The following KIAA0930 variants were observed in gnomAD, a reference collection of about 807,000 sequenced individuals.
KIAA0930 encodes the protein uncharacterized protein KIAA0930.
In KIAA0930, 24 loss-of-function variants were observed where a neutral mutation model predicts 43.9. That is an observed-to-expected ratio of 0.55 (90% confidence interval 0.40 to 0.77). The LOEUF is 0.77. Ranked by LOEUF, KIAA0930 falls within the 30% of genes least tolerant of loss-of-function variation. The probability of loss-of-function intolerance (pLI) is 0.00; values close to 1 mark genes in which losing one functional copy is unlikely to be tolerated. For missense variants in KIAA0930, 461 were observed against 574.2 expected (o/e 0.80, Z 2.02); for synonymous variants, 259 against 216.4 (o/e 1.20, Z -1.73).
At chr22:45,209,450 G>T (rs536261979) in intron 2 of KIAA0930, among the ~76,000 whole-genome samples, 2 of 152,260 alleles carry the variant, frequency 1.3e-5, no homozygotes, top group South Asian at 2.1e-4. Flanking sequence ...ACCAGGCCCC[G>T]CAATCTCCAT....
chr22:45,229,397 A>G (rs2083837353), intron 1 of KIAA0930, among the ~76,000 whole-genome samples: 1 of 113,056 alleles, frequency 8.8e-6, no homozygotes, highest in African/African-American at 3.4e-5. Flanking sequence ...TCCTCCTGTC[A>G]CTCCCAGGGG....
At chr22:45,227,383 G>C (rs1047867215) in intron 1 of KIAA0930, among the ~76,000 whole-genome samples, 1 of 152,124 alleles carries the variant, frequency 6.6e-6, no homozygotes, top group Non-Finnish European at 1.5e-5. Context: ...TGAAAACCAG[G>C]GGGCTGGGCT....
At position 45,203,896 on chromosome 22, in the gene KIAA0930, G is replaced by A. The variant is rs1394686259; in HGVS notation, c.606C>T (p.Ile202=). The change falls in exon 6 of 10, where the codon ATC becomes ATT. Residue 202 remains isoleucine, a synonymous_variant. Coordinates refer to ENST00000336156, the MANE Select transcript of KIAA0930 (RefSeq NM_001009880.2). ...SDKTNTFQGV[I]FQGSIRYEAL... is the part of the protein sequence containing the mutation. Reference sequence around the variant, plus strand: ...CCTCGTAGCGGATGGAGCCCTGAAAGATGACCCCCTGGAACGTGTTGGTTT... The same window carrying A: ...CCTCGTAGCGGATGGAGCCCTGAAAAATGACCCCCTGGAACGTGTTGGTTT... The A allele has an allele frequency of 1.9e-5, 31 of 1,613,962 alleles. No homozygotes were observed. The highest frequency in any genetic ancestry group is 2.7e-5 in the African/African-American group (2 of 74,910).
At position 45,205,290 on chromosome 22, in the gene KIAA0930, G is replaced by A. The variant is rs1230356133; in HGVS notation, c.443C>T (p.Pro148Leu). 3.7e-6 allele frequency: 6 copies of A among 1,614,000 alleles called. No individual in the cohort carries two copies. The African/African-American group carries it at 6.7e-5, about 18-fold the overall frequency. Residue 148 changes from proline to leucine, a missense_variant, in exon 5 of 10, where the codon CCC (proline) becomes CTC (leucine). Coordinates refer to ENST00000336156, the MANE Select transcript of KIAA0930 (RefSeq NM_001009880.2). ...GGACTCCTCCCCCTTGCTGTCCATG[G>A]GGTGTTTACTGGGGGACGCGAACAC... Reference protein sequence around the residue: ...QQVFASPSKHPMDSKGEESKI... With the variant: ...QQVFASPSKHLMDSKGEESKI...
intron 2 of KIAA0930, chr22:45,211,549 G>C: frequency 2.3e-6 from 1 of 444,322 alleles, no homozygotes; most frequent in East Asian, 3.4e-5. Context: ...TAAGTGGAAG[G>C]CACCGTCATC....
At chr22:45,210,176 C>G (rs1569076525) in intron 2 of KIAA0930, among the ~76,000 whole-genome samples, 1 of 152,242 alleles carries the variant, frequency 6.6e-6, no homozygotes, top group Non-Finnish European at 1.5e-5. Flanking sequence ...TTGCAACAGA[C>G]TCTGCCTTGG....
chr22:45,205,975 A>C, intron 2 of KIAA0930, 63 bp from the exon 3 acceptor site: 1 of 1,594,082 alleles, frequency 6.3e-7, no homozygotes, highest in Non-Finnish European at 8.5e-7. Flanking sequence ...TTCTTCCCTG[A>C]CTACTATGCA....
At chr22:45,205,771 C>CCA in intron 3 of KIAA0930, 22 bp downstream of exon 3, 1 of 710,688 alleles carries the variant, frequency 1.4e-6, no homozygotes, top group Non-Finnish European at 2.4e-6. Context: ...CAATCCGCAG[C>CCA]CCCACCCATC....
At chr22:45,211,258 G>C (rs2083690735) in intron 2 of KIAA0930, 1 of 395,800 alleles carries the variant, frequency 2.5e-6, no homozygotes, top group Non-Finnish European at 4.4e-6. Context: ...GAAAACAAAA[G>C]CGTTTCCATG....
At chr22:45,207,987 G>C (rs2083653923) in intron 2 of KIAA0930, among the ~76,000 whole-genome samples, 3 of 152,212 alleles carry the variant, frequency 2.0e-5, no homozygotes, top group Admixed American at 2.0e-4. Flanking sequence ...TGTGGACTCA[G>C]TGAATGAAAG....
intron 1 of KIAA0930, among the ~76,000 whole-genome samples, chr22:45,238,271 C>G (rs2083898712): frequency 6.6e-6 from 1 of 152,208 alleles, no homozygotes; most frequent in Non-Finnish European, 1.5e-5. Context: ...CTCCGTGGCC[C>G]TCCACGCCCT....
intron 2 of KIAA0930, among the ~76,000 whole-genome samples, chr22:45,208,133 C>T (rs1284757041): frequency 6.6e-6 from 1 of 152,166 alleles, no homozygotes; most frequent in Non-Finnish European, 1.5e-5. Flanking sequence ...CTGCCCGGTA[C>T]CCACTGACAG....
chr22:45,222,305 T>C (rs1253424678), intron 1 of KIAA0930, among the ~76,000 whole-genome samples: 1 of 152,166 alleles, frequency 6.6e-6, no homozygotes, highest in Non-Finnish European at 1.5e-5. Context: ...TCAATCAAAC[T>C]ATATAAACAC....
At chr22:45,202,146 T>G (rs1279365848) in intron 7 of KIAA0930, among the ~76,000 whole-genome samples, 2 of 152,258 alleles carry the variant, frequency 1.3e-5, no homozygotes, top group African/African-American at 2.4e-5. Context: ...TGGGCAAGAC[T>G]GCCCCTGGAC....
rs189525908 is a variant in KIAA0930 at position 45,227,426 on chromosome 22, C to T, written c.64+13214G>A. ...GTACACTATGCCAGGACAGGCCCACCCAGGAAAAAAAGGGCATCGAACATC... is the reference window on the plus strand; with the variant it reads ...GTACACTATGCCAGGACAGGCCCACTCAGGAAAAAAAGGGCATCGAACATC... On this transcript the variant is annotated intron_variant, in intron 1 of 9. Coordinates refer to ENST00000336156, the MANE Select transcript of KIAA0930 (RefSeq NM_001009880.2). Among the ~76,000 whole-genome samples, 622 of 152,100 alleles carry T rather than the reference C, an allele frequency of 4.1e-3. 5 individuals carry two copies. Among genetic ancestry groups the T allele is most frequent in the Admixed American group, 6.7e-3 (102 of 15,296 alleles).
chr22:45,234,679 G>A (rs531194581), intron 1 of KIAA0930, among the ~76,000 whole-genome samples: 58 of 152,348 alleles, frequency 3.8e-4, no homozygotes, highest in Non-Finnish European at 7.2e-4. Context: ...AAGCTTTGCT[G>A]CAAGTTATTT....
intron 1 of KIAA0930, among the ~76,000 whole-genome samples, chr22:45,224,642 GA>G (rs1314892615): frequency 6.6e-6 from 1 of 152,250 alleles, no homozygotes; most frequent in Admixed American, 6.5e-5. Flanking sequence ...AACACAGACA[GA>G]AGTGAGATGG....
rs1006580696 is a variant in KIAA0930 at position 45,198,981 on chromosome 22, C to T, written c.1015+892G>A. ...TTCACTTCCATACACTCAACAGACA[C>T]GCACACAGTGCGGAGCCAGGCGCCC... On this transcript the variant is annotated intron_variant, in intron 8 of 9. Transcript: ENST00000336156. Among the ~76,000 whole-genome samples, 7 of 152,310 alleles carry T rather than the reference C, an allele frequency of 4.6e-5. No homozygotes were observed. In the East Asian group the frequency reaches 5.8e-4, roughly 13 times the overall value.
chr22:45,200,599 C>G (rs150696578), intron 7 of KIAA0930, among the ~76,000 whole-genome samples: 227 of 152,312 alleles, frequency 1.5e-3, no homozygotes, highest in African/African-American at 5.2e-3. Flanking sequence ...TTCCCAGCAC[C>G]CTTCACAGGA....
Sources: allele counts gnomAD v4.1 joint callset (sites outside exome capture counted in the v4.1 genomes callset), GRCh38; gene constraint gnomAD v4.1.1; transcripts MANE v1.5; gene names NCBI Gene and HGNC (gene_info 2026-07-23, HGNC 2026-07-21).